The following ZNF892 variants were observed in gnomAD, a reference collection of about 807,000 sequenced individuals.
ZNF892 encodes zinc finger protein 892, also known as zinc finger protein 570-like.
At chr2:95,250,673 A>C in the ZNF892 span, among the ~76,000 whole-genome samples, 1 of 138,276 alleles carries the variant, frequency 7.2e-6, no homozygotes, top group African/African-American at 2.6e-5. Context: ...ATAAATTTAT[A>C]AATATAAACT....
At chr2:95,227,166 C>T in the ZNF892 span, among the ~76,000 whole-genome samples, 1 of 132,246 alleles carries the variant, frequency 7.6e-6, no homozygotes, top group East Asian at 2.6e-4. Context: ...TCCTTCTTTC[C>T]TTCTCCTTGT....
the ZNF892 span, among the ~76,000 whole-genome samples, chr2:95,233,391 C>T: frequency 1.8e-4 from 28 of 151,354 alleles, no homozygotes; most frequent in African/African-American, 5.3e-4. Flanking sequence ...AAAAACATCT[C>T]GGCCGGGCGC....
At chr2:95,239,385 T>C in the ZNF892 span, among the ~76,000 whole-genome samples, 1 of 152,156 alleles carries the variant, frequency 6.6e-6, no homozygotes, top group African/African-American at 2.4e-5. Flanking sequence ...GAGGAGGGAC[T>C]CCAATTTTGA....
chr2:95,258,414 A>G, the ZNF892 span, among the ~76,000 whole-genome samples: 2 of 152,228 alleles, frequency 1.3e-5, no homozygotes, highest in Non-Finnish European at 2.9e-5. Flanking sequence ...GTTGGGGGCT[A>G]CAGCAGCAGG....
the ZNF892 span, among the ~76,000 whole-genome samples, chr2:95,260,274 C>A: frequency 6.6e-6 from 1 of 152,170 alleles, no homozygotes; most frequent in Non-Finnish European, 1.5e-5. Context: ...AAACACACAC[C>A]CACCCTTTTT....
At chr2:95,207,560 C>T in the ZNF892 span, 6 of 370,540 alleles carry the variant, frequency 1.6e-5, no homozygotes, top group East Asian at 3.9e-5. Flanking sequence ...GCGTCCCCGC[C>T]GGCTGTTAGA....
the ZNF892 span, among the ~76,000 whole-genome samples, chr2:95,258,135 G>GT: frequency 6.6e-6 from 1 of 152,186 alleles, no homozygotes; most frequent in East Asian, 1.9e-4. Context: ...TGGAAATGCA[G>GT]AAATCACCCA....
At chr2:95,254,274 A>G in the ZNF892 span, among the ~76,000 whole-genome samples, 4 of 152,212 alleles carry the variant, frequency 2.6e-5, no homozygotes, top group Non-Finnish European at 5.9e-5. Flanking sequence ...TAATTTATTG[A>G]GAGTTTTTAG....
the ZNF892 span, among the ~76,000 whole-genome samples, chr2:95,239,300 GA>G: frequency 6.6e-6 from 1 of 152,176 alleles, no homozygotes; most frequent in Non-Finnish European, 1.5e-5. Context: ...AAGATGCTGT[GA>G]ACACTGTTGA....
the ZNF892 span, among the ~76,000 whole-genome samples, chr2:95,253,163 C>T: frequency 6.6e-6 from 1 of 152,150 alleles, no homozygotes; most frequent in Admixed American, 6.5e-5. Flanking sequence ...CTTGCCCATG[C>T]CTATGTCCTG....
At chr2:95,229,108 A>C in the ZNF892 span, among the ~76,000 whole-genome samples, 1 of 152,040 alleles carries the variant, frequency 6.6e-6, no homozygotes, top group African/African-American at 2.4e-5. Flanking sequence ...AAAATGTGTA[A>C]AACTAAGCTG....
chr2:95,217,814 C>A, the ZNF892 span, among the ~76,000 whole-genome samples: 1 of 152,156 alleles, frequency 6.6e-6, no homozygotes, highest in Non-Finnish European at 1.5e-5. Context: ...CTCTCCTAAG[C>A]CTCTGCAGGA....
the ZNF892 span, among the ~76,000 whole-genome samples, chr2:95,217,987 T>A: frequency 6.6e-6 from 1 of 152,238 alleles, no homozygotes; most frequent in Admixed American, 6.5e-5. Context: ...CAAATGGCTC[T>A]CTAGTCTGGT....
At chr2:95,206,452 C>T in the ZNF892 span, among the ~76,000 whole-genome samples, 1 of 152,078 alleles carries the variant, frequency 6.6e-6, no homozygotes, top group Non-Finnish European at 1.5e-5. Flanking sequence ...ACTTTTATAT[C>T]TAGGTTTAGG....
chr2:95,261,441 C>CAAAGGACAGGGACTGGCT, the ZNF892 span, among the ~76,000 whole-genome samples: 1 of 152,142 alleles, frequency 6.6e-6, no homozygotes, highest in Middle Eastern at 3.4e-3. Flanking sequence ...ATTACAGGCA[C>CAAAGGACAGGGACTGGCT]CCGCCACCAT....
At chr2:95,259,093 A>T in the ZNF892 span, 1 of 152,154 alleles carries the variant, frequency 6.6e-6, no homozygotes, top group African/African-American at 2.4e-5. Context: ...TCTTGGCGAC[A>T]ACTCCCCATT....
chr2:95,213,688 A>G, the ZNF892 span, among the ~76,000 whole-genome samples: 36 of 152,214 alleles, frequency 2.4e-4, no homozygotes, highest in Middle Eastern at 0.01. Flanking sequence ...TTGCTTTCCA[A>G]TTAATAAGCT....
At chr2:95,213,835 G>A in the ZNF892 span, among the ~76,000 whole-genome samples, 1 of 152,120 alleles carries the variant, frequency 6.6e-6, no homozygotes, top group Non-Finnish European at 1.5e-5. Flanking sequence ...TTTAGCAGTG[G>A]TTGGGACATA....
At chr2:95,207,627 T>TA in the ZNF892 span, 2 of 392,660 alleles carry the variant, frequency 5.1e-6, no homozygotes, top group Non-Finnish European at 9.0e-6. Context: ...GAACCCAGGG[T>TA]AGAGGAGGGC....
Sources: gnomAD v4.1 joint callset for allele counts (sites outside exome capture counted in the v4.1 genomes callset) on GRCh38, gnomAD v4.1.1 for gene constraint, MANE v1.5 for transcripts, NCBI Gene and HGNC (gene_info 2026-07-23, HGNC 2026-07-21) for gene names.